The following CDKAL1 variants were observed in gnomAD, a reference collection of about 807,000 sequenced individuals.
CDKAL1 encodes the protein CDKAL1 threonylcarbamoyladenosine tRNA methylthiotransferase, also known as threonylcarbamoyladenosine tRNA methylthiotransferase.
In CDKAL1, 32 loss-of-function variants were observed where a neutral mutation model predicts 68.2. The ratio of observed to expected loss-of-function variants is 0.47; its 90% CI spans 0.35 to 0.63. The LOEUF is 0.63. CDKAL1 is among the 30% of genes least tolerant of loss of function. CDKAL1 has a pLI of 0.00. For missense variants in CDKAL1, 606 were observed against 696.7 expected, an observed-to-expected ratio of 0.87 and a Z score of 1.47; for synonymous variants, 234 against 244.3, an observed-to-expected ratio of 0.96 and a Z score of 0.39.
At chr6:20,741,593 G>T (rs1477329232) in intron 6 of CDKAL1, among the ~76,000 whole-genome samples, 2 of 152,084 alleles carry the variant, frequency 1.3e-5, no homozygotes, top group Non-Finnish European at 2.9e-5. Context: ...GTGTTAGTTT[G>T]TTAAGGATAA....
At chr6:20,688,473 T>C (rs1770729620) in intron 5 of CDKAL1, among the ~76,000 whole-genome samples, 2 of 152,188 alleles carry the variant, frequency 1.3e-5, no homozygotes, top group African/African-American at 4.8e-5. Flanking sequence ...TTCAGTTTTG[T>C]ACATTTCTAT....
At chr6:20,568,518 G>A (rs948795932) in intron 4 of CDKAL1, among the ~76,000 whole-genome samples, 1 of 151,732 alleles carries the variant, frequency 6.6e-6, no homozygotes, top group African/African-American at 2.4e-5. Context: ...GCGGATCAGA[G>A]GTCAGGAGAT....
chr6:20,996,175 T>C (rs908572338), intron 10 of CDKAL1, among the ~76,000 whole-genome samples: 1 of 152,252 alleles, frequency 6.6e-6, no homozygotes, highest in Non-Finnish European at 1.5e-5. Flanking sequence ...GGGAATGTTG[T>C]GGCTGGTTTG....
chr6:20,697,053 A>G (rs1385873977), intron 5 of CDKAL1, among the ~76,000 whole-genome samples: 1 of 152,266 alleles, frequency 6.6e-6, no homozygotes, highest in Non-Finnish European at 1.5e-5. Context: ...TCCTTGTTCT[A>G]TTTCATTCAA....
chr6:21,067,715 G>T (rs891827625), intron 12 of CDKAL1, among the ~76,000 whole-genome samples: 3 of 151,988 alleles, frequency 2.0e-5, no homozygotes, highest in South Asian at 2.1e-4. Flanking sequence ...CCACTGGGGG[G>T]TCTGGCTAGG....
chr6:20,970,330 T>G (rs1264939799), intron 10 of CDKAL1, among the ~76,000 whole-genome samples: 1 of 152,198 alleles, frequency 6.6e-6, no homozygotes, highest in Non-Finnish European at 1.5e-5. Context: ...CTCCATGTTC[T>G]TACCAAGATT....
chr6:20,836,666 C>G (rs888248446), intron 8 of CDKAL1, among the ~76,000 whole-genome samples: 1 of 152,066 alleles, frequency 6.6e-6, no homozygotes, highest in Non-Finnish European at 1.5e-5. Context: ...CTGAAAACAG[C>G]ACAATTCTTT....
chr6:21,222,334 C>G (rs189843880), intron 15 of CDKAL1, among the ~76,000 whole-genome samples: 12 of 152,156 alleles, frequency 7.9e-5, no homozygotes, highest in Admixed American at 7.9e-4. Context: ...TTTCTCATTC[C>G]CAGAATTGAA....
chr6:21,176,906 C>G (rs554360183), intron 13 of CDKAL1, among the ~76,000 whole-genome samples: 34 of 151,982 alleles, frequency 2.2e-4, no homozygotes, highest in African/African-American at 8.0e-4. Flanking sequence ...ACCATCTTGG[C>G]CAGGCTGGTG....
At chr6:21,064,819 AC>A (rs1283812981) in intron 11 of CDKAL1, among the ~76,000 whole-genome samples, 1 of 152,212 alleles carries the variant, frequency 6.6e-6, no homozygotes, top group Non-Finnish European at 1.5e-5. Flanking sequence ...AGAGGAAAGA[AC>A]AAAGAACCAT....
At chr6:20,837,001 A>G (rs755270904) in intron 8 of CDKAL1, among the ~76,000 whole-genome samples, 3 of 152,200 alleles carry the variant, frequency 2.0e-5, no homozygotes, top group Non-Finnish European at 4.4e-5. Flanking sequence ...TGCGTTAGGT[A>G]GTAATCTCCA....
intron 13 of CDKAL1, among the ~76,000 whole-genome samples, chr6:21,169,785 A>G (rs1476150803): frequency 6.6e-6 from 1 of 152,168 alleles, no homozygotes; most frequent in Non-Finnish European, 1.5e-5. Context: ...CCTCATAATC[A>G]TGGTGGAAGG....
intron 10 of CDKAL1, among the ~76,000 whole-genome samples, chr6:20,973,379 G>A (rs1350989329): frequency 6.6e-6 from 1 of 152,150 alleles, no homozygotes; most frequent in African/African-American, 2.4e-5. Context: ...GTAAGCCAAA[G>A]TCAAAAGTAC....
rs560762317 is a variant in CDKAL1 at position 21,016,247 on chromosome 6, G to C, written c.1055+15875G>C. ...CTTGATGTCTACCTTTTATACGTGA[G>C]GAAAGTGAAGCACAGAGAGCTTGAA... On this transcript the variant is annotated intron_variant, in intron 11 of 15. Coordinates refer to ENST00000274695, the MANE Select transcript of CDKAL1 (RefSeq NM_017774.3). 2.0e-5 allele frequency among the ~76,000 whole-genome samples: 3 copies of C among 152,038 alleles called. No individual in the cohort carries two copies. In the South Asian group the frequency reaches 6.3e-4, roughly 32 times the overall value.
chr6:20,900,908 A>C (rs1313863905), intron 9 of CDKAL1, among the ~76,000 whole-genome samples: 1 of 152,228 alleles, frequency 6.6e-6, no homozygotes, highest in Non-Finnish European at 1.5e-5. Context: ...AAAATGAAAA[A>C]TCATTATCCT....
At chr6:20,706,421 G>A (rs768103103) in intron 5 of CDKAL1, among the ~76,000 whole-genome samples, 6 of 152,200 alleles carry the variant, frequency 3.9e-5, no homozygotes, top group Non-Finnish European at 8.8e-5. Flanking sequence ...CTCATATGCT[G>A]ATCCAACTAG....
At chr6:20,741,891 T>G (rs1269077826) in intron 6 of CDKAL1, among the ~76,000 whole-genome samples, 1 of 152,136 alleles carries the variant, frequency 6.6e-6, no homozygotes, top group Non-Finnish European at 1.5e-5. Context: ...GCCACACTGC[T>G]TTCCATAATG....
At chr6:20,918,290 A>G (rs572546552) in intron 9 of CDKAL1, among the ~76,000 whole-genome samples, 3 of 152,344 alleles carry the variant, frequency 2.0e-5, no homozygotes, top group Admixed American at 6.5e-5. Context: ...TTATTTCTTA[A>G]TTACCCAGTC....
At chr6:20,959,057 A>T (rs150082726) in intron 10 of CDKAL1, among the ~76,000 whole-genome samples, 176 of 152,330 alleles carry the variant, frequency 1.2e-3, no homozygotes, top group African/African-American at 4.0e-3. Flanking sequence ...TTAACACAGG[A>T]TCACTTTTAA....
Sources: allele counts gnomAD v4.1 joint callset (sites outside exome capture counted in the v4.1 genomes callset), GRCh38; gene constraint gnomAD v4.1.1; transcripts MANE v1.5; gene names NCBI Gene and HGNC (gene_info 2026-07-23, HGNC 2026-07-21).